Variants in RBBP8 observed in about 807,000 individuals in gnomAD.
The protein encoded by RBBP8 is RB binding protein 8, endonuclease.
RBBP8 carries 88 observed loss-of-function variants against 108.3 expected under a neutral mutation model. That is an observed-to-expected ratio of 0.81 (90% confidence interval 0.68 to 0.97). The LOEUF (loss-of-function observed/expected upper bound fraction) is 0.97, where lower values mean the gene tolerates loss of function less well. Ranked by LOEUF, RBBP8 falls within the 50% of genes least tolerant of loss-of-function variation. The probability of loss-of-function intolerance (pLI) is 0.00; values close to 1 mark genes in which losing one functional copy is unlikely to be tolerated. For synonymous variants in RBBP8, 332 were observed against 348.2 expected, an observed-to-expected ratio of 0.95 and a Z score of 0.52; for missense variants, 1,023 against 1,049.0, an observed-to-expected ratio of 0.98 and a Z score of 0.34.
chr18:22,917,319 G>T (rs572720318), intron 3 of RBBP8, among the ~76,000 whole-genome samples: 1 of 152,328 alleles, frequency 6.6e-6, no homozygotes, highest in East Asian at 1.9e-4. Context: ...AAAAGCATGT[G>T]AGCTTTTGAG....
intron 17 of RBBP8, among the ~76,000 whole-genome samples, chr18:23,020,381 A>T (rs948036058): frequency 6.6e-6 from 1 of 152,012 alleles, no homozygotes; most frequent in African/African-American, 2.4e-5. Context: ...AGATTGCTCC[A>T]TTGCACTCCA....
intron 2 of RBBP8, among the ~76,000 whole-genome samples, chr18:22,945,789 A>T (rs1248397889): frequency 6.6e-6 from 1 of 152,010 alleles, no homozygotes; most frequent in African/African-American, 2.4e-5. Context: ...ATGTATTTTC[A>T]TATTTGTTCA....
At chr18:23,018,543 A>G (rs1460325359) in intron 17 of RBBP8, among the ~76,000 whole-genome samples, 1 of 152,218 alleles carries the variant, frequency 6.6e-6, no homozygotes, top group East Asian at 1.9e-4. Context: ...ATAAAATGGC[A>G]TAGTACTTGC....
intron 3 of RBBP8, among the ~76,000 whole-genome samples, chr18:22,917,727 G>A (rs1382847045): frequency 6.6e-6 from 1 of 152,080 alleles, no homozygotes; most frequent in Non-Finnish European, 1.5e-5. Flanking sequence ...GGGGCCGGGC[G>A]CAGTGGCTCA....
chr18:22,952,679 C>T (rs993958287), intron 4 of RBBP8, among the ~76,000 whole-genome samples: 1 of 152,198 alleles, frequency 6.6e-6, no homozygotes, highest in Non-Finnish European at 1.5e-5. Context: ...CTCCCACTCA[C>T]CCTTTCCCAG....
upstream of RBBP8, among the ~76,000 whole-genome samples, chr18:22,930,497 T>C (rs1909984288): frequency 6.6e-6 from 1 of 152,254 alleles, no homozygotes; most frequent in African/African-American, 2.4e-5. Context: ...AAGATGTTTT[T>C]TCAGCAGATC....
chr18:22,963,698 C>T (rs1360699012), intron 4 of RBBP8, among the ~76,000 whole-genome samples: 1 of 152,034 alleles, frequency 6.6e-6, no homozygotes, highest in East Asian at 1.9e-4. Flanking sequence ...TAGAATGCCT[C>T]CTCCAGTAGA....
Position 22,992,909 on chromosome 18 carries a change from C to T in RBBP8, c.1082C>T (p.Thr361Ile), listed in dbSNP as rs763335601. ...LQPGKKKHLK[T>I]LPFSNTCISR... is the part of the protein sequence containing the mutation. ...CCTGGGAAAAAAAAACATCTGAAAA[C>T]ACTCCCTTTTAGCAACACTTGTATA... is the stretch of plus-strand genomic sequence containing the variant. Residue 361 changes from threonine to isoleucine, a missense_variant, in exon 11 of 19, where the codon ACA becomes ATA. Transcript: ENST00000327155. 6 of 1,613,680 alleles carry T rather than the reference C, an allele frequency of 3.7e-6. No individual in the cohort carries two copies. The highest frequency in any genetic ancestry group is 4.2e-6 in the Non-Finnish European group (5 of 1,179,888).
At chr18:22,918,192 T>G (rs548216137) in intron 3 of RBBP8, among the ~76,000 whole-genome samples, 1 of 152,314 alleles carries the variant, frequency 6.6e-6, no homozygotes, top group African/African-American at 2.4e-5. Context: ...CAATCATCTG[T>G]ACTAATGGAA....
At chr18:22,921,886 C>A (rs911831006) in intron 3 of RBBP8, among the ~76,000 whole-genome samples, 1 of 152,132 alleles carries the variant, frequency 6.6e-6, no homozygotes, top group Non-Finnish European at 1.5e-5. Flanking sequence ...GATCCAAAGA[C>A]TTTATTGTTT....
In RBBP8 at chr18:22,924,127, G is replaced by GTTTTTTTTTTTTTTT. The variant is rs33978854; in HGVS notation, c.-153-5250_-153-5236dup. Among the ~76,000 whole-genome samples, 11 of 108,224 alleles carry GTTTTTTTTTTTTTTT rather than the reference G, an allele frequency of 1.0e-4. 1 individual carries two copies. Among genetic ancestry groups the GTTTTTTTTTTTTTTT allele is most frequent in the Non-Finnish European group, 1.4e-4 (8 of 56,818 alleles). The allele number at this position is 108,224 out of a possible 152,430, so 71.0% of individuals were successfully genotyped here. A position where few individuals can be genotyped will look rare whatever the true frequency, so the allele number is the denominator to read the frequency against. Reference sequence around the variant, plus strand: ...GCATTTTTTAGTTAGTTTGTTTTTGGTTTTTTTTTTTTTTTTTTTTGAGAC... The same window carrying GTTTTTTTTTTTTTTT: ...GCATTTTTTAGTTAGTTTGTTTTTGGTTTTTTTTTTTTTTTTTTTTTTTTTTTTTTTTTTTGAGAC... On this transcript the variant is annotated intron_variant, in intron 3 of 4. Transcript: ENST00000577588.
At chr18:22,974,952 A>C (rs773531370) in intron 5 of RBBP8, among the ~76,000 whole-genome samples, 10 of 152,128 alleles carry the variant, frequency 6.6e-5, no homozygotes, top group Non-Finnish European at 1.3e-4. Flanking sequence ...GTTACATGGA[A>C]CTGGCACGGT....
chr18:23,004,068 A>C (rs1478077079), intron 15 of RBBP8, among the ~76,000 whole-genome samples: 14 of 106,740 alleles, frequency 1.3e-4, no homozygotes, highest in Admixed American at 9.6e-4. Context: ...AAAAAAAAAA[A>C]AAAAAAAAAA....
Position 22,918,624 on chromosome 18 carries a change from CT to C in RBBP8, c.-154+1606del, listed in dbSNP as rs1190114477. On this transcript the variant is annotated intron_variant, in intron 3 of 4. Transcript: ENST00000577588. Reference sequence around the variant, plus strand: ...TTGTGCCTTCTGAGTTTTCCAACAGCTTTTTTTTGTCTATTATCTAACATGA... The same window carrying C: ...TTGTGCCTTCTGAGTTTTCCAACAGCTTTTTTTGTCTATTATCTAACATGA... Among the ~76,000 whole-genome samples the C allele has an allele frequency of 2.6e-5, 4 of 152,018 alleles. No homozygotes were observed. The Middle Eastern group carries it at 0.01, about 390-fold the overall frequency.
intron 12 of RBBP8, among the ~76,000 whole-genome samples, chr18:22,994,646 CAAAAAA>C (rs201468478): frequency 9.2e-6 from 1 of 109,188 alleles, no homozygotes; most frequent in Non-Finnish European, 1.9e-5. Flanking sequence ...GACTCCGTCT[CAAAAAA>C]AAAAAAGAAA....
intron 4 of RBBP8, among the ~76,000 whole-genome samples, chr18:22,958,935 T>G (rs572473859): frequency 5.9e-5 from 9 of 152,332 alleles, no homozygotes; most frequent in Admixed American, 5.9e-4. Flanking sequence ...AAAGCTGTCA[T>G]TCTGGATTTC....
chr18:22,941,437 G>C (rs1047488643), intron 2 of RBBP8, among the ~76,000 whole-genome samples: 1 of 152,070 alleles, frequency 6.6e-6, no homozygotes, highest in Non-Finnish European at 1.5e-5. Flanking sequence ...CTCCCAAAGT[G>C]CTAGGATTAC....
chr18:22,987,620 A>G (rs1915417779), intron 8 of RBBP8, among the ~76,000 whole-genome samples: 2 of 151,968 alleles, frequency 1.3e-5, no homozygotes, highest in Admixed American at 6.6e-5. Context: ...TGTCTGGCTG[A>G]TATTTGTATT....
At position 22,944,755 on chromosome 18, in the gene RBBP8, A is replaced by G. The variant is rs560340654; in HGVS notation, c.110-1689A>G. On this transcript the variant is annotated intron_variant, in intron 2 of 18. Transcript: ENST00000327155. ...ATTTGAGACATAAGGAAAAAATGTA[A>G]CATCCAAAAAATTCTCCAGGGCCTT... Among the ~76,000 whole-genome samples, 355 of 152,342 alleles carry G rather than the reference A, an allele frequency of 2.3e-3. 1 individual carries two copies. Among genetic ancestry groups the G allele is most frequent in the Non-Finnish European group, 4.2e-3 (284 of 68,032 alleles).
Sources: allele counts gnomAD v4.1 joint callset (sites outside exome capture counted in the v4.1 genomes callset), GRCh38; gene constraint gnomAD v4.1.1; transcripts MANE v1.5; gene names NCBI Gene and HGNC (gene_info 2026-07-23, HGNC 2026-07-21).